TMEM52B: variants seen among roughly 807,000 people sequenced by gnomAD.
TMEM52B encodes the protein transmembrane protein 52B.
In TMEM52B, 11 loss-of-function variants were observed where a neutral mutation model predicts 16.1. The ratio of observed to expected loss-of-function variants is 0.68; its 90% CI spans 0.43 to 1.13. The LOEUF (loss-of-function observed/expected upper bound fraction) is 1.13, where lower values mean the gene tolerates loss of function less well. Ranked by LOEUF, TMEM52B falls within the 50% of genes most tolerant of loss-of-function variation. The pLI is 0.00. For synonymous variants in TMEM52B, 101 were observed against 93.8 expected, an observed-to-expected ratio of 1.08 and a Z score of -0.45; for missense variants, 243 against 230.4, an observed-to-expected ratio of 1.05 and a Z score of -0.35.
upstream of TMEM52B, among the ~76,000 whole-genome samples, chr12:10,176,096 A>G (rs1948763624): frequency 6.6e-6 from 1 of 152,212 alleles, no homozygotes. Flanking sequence ...GATTGTAATG[A>G]GACCATTTCC....
At chr12:10,182,475 G>A in intron 1 of TMEM52B, 75 bp from the exon 2 acceptor site, 2 of 1,509,902 alleles carry the variant, frequency 1.3e-6, no homozygotes, top group Middle Eastern at 3.4e-4. Context: ...GCACAACCAT[G>A]AGAGATGATT....
At position 10,181,475 on chromosome 12, in the gene TMEM52B, G is replaced by A. The variant is rs200872740; in HGVS notation, c.55-1075G>A. Among the ~76,000 whole-genome samples the A allele has an allele frequency of 2.1e-4, 32 of 151,506 alleles. No homozygotes were observed. In the East Asian group the frequency reaches 4.2e-3, roughly 20 times the overall value. ...CTCCAGAGTAGCTGGGATTACAGGCGCACATCACCACGCCGGGCTAATTTT... is the reference window on the plus strand; with the variant it reads ...CTCCAGAGTAGCTGGGATTACAGGCACACATCACCACGCCGGGCTAATTTT... On this transcript the variant is annotated intron_variant, in intron 1 of 4. Transcript: ENST00000543484.
chr12:10,187,099 G>GTTTTTTTTTTTTTTT (rs71049057), intron 4 of TMEM52B, among the ~76,000 whole-genome samples: 2 of 82,180 alleles, frequency 2.4e-5, no homozygotes, highest in African/African-American at 4.9e-5. Context: ...TTCCATGACG[G>GTTTTTTTTTTTTTTT]TTTTTTTTTT....
At position 10,173,750 on chromosome 12, in the gene TMEM52B, GCGAGACTCC is replaced by G. The variant is rs1948743803; in HGVS notation, c.-95+2901_-95+2909del. Reference sequence around the variant, plus strand: ...ACTGTACTCCAGCCTGGGCAACAGAGCGAGACTCCCTTTAAAAAAAAAAAAAAAAAAGAA... The same window carrying G: ...ACTGTACTCCAGCCTGGGCAACAGAGCTTTAAAAAAAAAAAAAAAAAAGAA... On this transcript the variant is annotated intron_variant, in intron 1 of 5. Transcript: ENST00000381923. Among the ~76,000 whole-genome samples, 13 of 143,652 alleles carry G rather than the reference GCGAGACTCC, an allele frequency of 9.0e-5. No individual in the cohort carries two copies. In the Admixed American group the frequency reaches 9.2e-4, roughly 10 times the overall value. 94.2% of individuals were successfully genotyped at this position (143,652 alleles called of 152,430 possible). A position where few individuals can be genotyped will look rare whatever the true frequency, so the allele number is the denominator to read the frequency against.
intron 1 of TMEM52B, among the ~76,000 whole-genome samples, chr12:10,173,551 G>T (rs35566137): frequency 3.9e-4 from 59 of 151,714 alleles, no homozygotes; most frequent in African/African-American, 1.1e-3. Context: ...AAGCTGAGGG[G>T]GGGGGTGGAT....
intron 1 of TMEM52B, among the ~76,000 whole-genome samples, chr12:10,171,081 A>G (rs999802948): frequency 2.0e-4 from 31 of 152,220 alleles, no homozygotes; most frequent in African/African-American, 7.0e-4. Flanking sequence ...TAAAGAAACG[A>G]ATGACTATTG....
intron 1 of TMEM52B, among the ~76,000 whole-genome samples, chr12:10,181,037 C>T (rs989142580): frequency 2.5e-4 from 38 of 152,080 alleles, no homozygotes; most frequent in African/African-American, 9.2e-4. Context: ...GAACTCCTGA[C>T]CTCAAGTGAT....
chr12:10,179,216 T>C lies in TMEM52B; in HGVS notation c.-359T>C, dbSNP rs903926269. Reference sequence around the variant, plus strand: ...AAAAATACTTCATTCAGAGGACACATATGTCCTCTTTGAATGTCTCCTTTT... The same window carrying C: ...AAAAATACTTCATTCAGAGGACACACATGTCCTCTTTGAATGTCTCCTTTT... On this transcript the variant is annotated 5_prime_UTR_variant, in exon 1 of 5. Coordinates refer to ENST00000543484, the MANE Select transcript of TMEM52B (RefSeq NM_001384896.1). 4.0e-6 allele frequency: 1 copy of C among 250,276 alleles called. No individual in the cohort carries two copies. Among genetic ancestry groups the C allele is most frequent in the African/African-American group, 2.7e-5 (1 of 36,502 alleles). 15.5% of individuals were successfully genotyped at this position (250,276 alleles called of 1,614,324 possible). A position where few individuals can be genotyped will look rare whatever the true frequency, so the allele number is the denominator to read the frequency against.
intron 4 of TMEM52B, 49 bp downstream of exon 4, chr12:10,186,638 A>T (rs1591991924): frequency 6.7e-7 from 1 of 1,502,430 alleles, no homozygotes; most frequent in East Asian, 2.3e-5. Context: ...ATTTAAGGGA[A>T]TAATGAAAAG....
chr12:10,173,608 C>G (rs1948742704), intron 1 of TMEM52B, among the ~76,000 whole-genome samples: 1 of 151,642 alleles, frequency 6.6e-6, no homozygotes, highest in African/African-American at 2.4e-5. Context: ...CTGTTGAAAC[C>G]CTGTCACCAC....
chr12:10,184,181 A>G (rs1948854209), intron 2 of TMEM52B, among the ~76,000 whole-genome samples: 1 of 152,196 alleles, frequency 6.6e-6, no homozygotes, highest in Admixed American at 6.5e-5. Context: ...TGGTTTCTGA[A>G]GGGTGGTGCA....
chr12:10,190,069 C>A lies in TMEM52B; in HGVS notation c.481C>A (p.Pro161Thr). 6.2e-7 allele frequency: 1 copy of A among 1,614,120 alleles called. No individual in the cohort carries two copies. The stretch of plus-strand genomic sequence containing the variant: ...CGGGCAGAAAGCACCTGATCTACCC[C>A]CAGTACCTGAAGAAAAGCAGCTGCC... ...MCGQKAPDLPPVPEEKQLPPT... is the reference protein window; with the variant it reads ...MCGQKAPDLPTVPEEKQLPPT... Residue 161 changes from proline (P) to threonine (T), a missense_variant, in exon 5 of 5, where the codon CCA becomes ACA. Physicochemically the swap from Pro to Thr is conservative, Grantham distance 38 (BLOSUM62 -1). Transcript: ENST00000543484.
rs530832066 is a variant in TMEM52B, at chr12:10,191,696, A to G, written c.*1556A>G. 1.8e-4 allele frequency: 28 copies of G among 152,276 alleles called. No homozygotes were observed. Among genetic ancestry groups the G allele is most frequent in the African/African-American group, 5.8e-4 (24 of 41,542 alleles). The allele number at this position is 152,276 out of a possible 1,614,324, so 9.4% of individuals were successfully genotyped here. On this transcript the variant is annotated 3_prime_UTR_variant, in exon 5 of 5. Transcript: ENST00000543484. ...TCCCTTGCCTGCTATGACTTATCTG[A>G]GAGCCATGTTCCCATTTATCTTTTT...
chr12:10,177,767 A>AAAT (rs199747831), upstream of TMEM52B, among the ~76,000 whole-genome samples: 1,467 of 118,478 alleles, frequency 0.012, 7 homozygotes, highest in East Asian at 0.024. Context: ...ACTCTGTCTC[A>AAAT]AATAATAATA....
intron 1 of TMEM52B, 75 bp from the exon 2 acceptor site, chr12:10,182,463 CAGCACAACCATG>C (rs1054563127): frequency 2.6e-4 from 383 of 1,495,010 alleles, no homozygotes; most frequent in Non-Finnish European, 3.2e-4. Context: ...TGATCTAACA[CAGCACAACCATG>C]AGAGATGATT....
intron 1 of TMEM52B, chr12:10,171,968 TC>T: frequency 6.6e-7 from 1 of 1,511,696 alleles, no homozygotes; most frequent in Non-Finnish European, 9.2e-7. Flanking sequence ...ACACTGGGAT[TC>T]TTTCCCTGTA....
intron 1 of TMEM52B, among the ~76,000 whole-genome samples, chr12:10,179,834 G>T (rs1361495746): frequency 1.3e-5 from 2 of 152,170 alleles, no homozygotes; most frequent in African/African-American, 4.8e-5. Flanking sequence ...CAATGAAAAG[G>T]GGGACAGAAA....
chr12:10,183,094 T>C (rs1467114686), intron 2 of TMEM52B, among the ~76,000 whole-genome samples: 4 of 152,216 alleles, frequency 2.6e-5, no homozygotes, highest in Non-Finnish European at 5.9e-5. Flanking sequence ...TTAAGTCTTA[T>C]GTAGACACAG....
intron 1 of TMEM52B, among the ~76,000 whole-genome samples, chr12:10,171,667 T>A (rs1591985029): frequency 1.3e-5 from 2 of 152,324 alleles, no homozygotes; most frequent in South Asian, 4.1e-4. Flanking sequence ...CTGGATGATG[T>A]TGTTAGTCCT....
Sources: gnomAD v4.1 joint callset for allele counts (sites outside exome capture counted in the v4.1 genomes callset) on GRCh38, gnomAD v4.1.1 for gene constraint, MANE v1.5 for transcripts, NCBI Gene and HGNC (gene_info 2026-07-23, HGNC 2026-07-21) for gene names.